Variants in ME3 observed in about 807,000 individuals in gnomAD.
ME3 encodes the protein malic enzyme 3.
ME3 carries 48 observed loss-of-function variants against 68.9 expected under a neutral mutation model. The ratio of observed to expected loss-of-function variants is 0.70; its 90% CI spans 0.55 to 0.89. The LOEUF is 0.89. Among genes scored for constraint, ME3 ranks in the 40% least tolerant of loss-of-function variants. ME3 has a pLI of 0.00. For synonymous variants in ME3, 320 were observed against 318.8 expected, an observed-to-expected ratio of 1.00 and a Z score of -0.04; for missense variants, 675 against 797.4, an observed-to-expected ratio of 0.85 and a Z score of 1.85.
intron 3 of ME3, among the ~76,000 whole-genome samples, chr11:86,559,288 C>T (rs1242126145): frequency 6.6e-5 from 10 of 152,074 alleles, no homozygotes; most frequent in African/African-American, 1.9e-4. Context: ...ACCCAAGCCA[C>T]GTACTACTTC....
At chr11:86,437,234 A>C (rs2138563849), downstream of ME3, 1 of 152,228 alleles carries the variant, frequency 6.6e-6, no homozygotes, top group African/African-American at 2.4e-5. Context: ...AAAACACATG[A>C]TTTTATTCCT....
At chr11:86,486,496 C>A (rs1951693577) in intron 7 of ME3, among the ~76,000 whole-genome samples, 1 of 152,216 alleles carries the variant, frequency 6.6e-6, no homozygotes, top group Admixed American at 6.5e-5. Flanking sequence ...TGGGCTCCAG[C>A]CCACTGTTCT....
At chr11:86,642,272 G>A (rs1173106596) in intron 2 of ME3, among the ~76,000 whole-genome samples, 1 of 152,180 alleles carries the variant, frequency 6.6e-6, no homozygotes. Flanking sequence ...AGAAAAAGAA[G>A]GAAGTCTCTT....
At chr11:86,584,628 C>T (rs1390055455) in intron 2 of ME3, among the ~76,000 whole-genome samples, 7 of 152,180 alleles carry the variant, frequency 4.6e-5, no homozygotes, top group African/African-American at 1.7e-4. Context: ...ATATGGAATG[C>T]CTGCAATATA....
At chr11:86,528,209 A>G (rs582638) in intron 4 of ME3, among the ~76,000 whole-genome samples, 53,056 of 151,952 alleles carry the variant, frequency 0.35, 9,808 homozygotes, top group African/African-American at 0.49. Flanking sequence ...TGCAATCCTA[A>G]TCTCTGATAA....
chr11:86,491,329 G>A (rs1156529697), intron 6 of ME3, among the ~76,000 whole-genome samples: 4 of 152,160 alleles, frequency 2.6e-5, no homozygotes, highest in Non-Finnish European at 5.9e-5. Flanking sequence ...TGATATTGTG[G>A]GGGCCAGGGA....
rs1327402062 is a variant in ME3, at chr11:86,507,916, T to C, written c.543+876A>G. Among the ~76,000 whole-genome samples the C allele has an allele frequency of 1.5e-4, 23 of 151,498 alleles. No homozygotes were observed. In the East Asian group the frequency reaches 2.9e-3, roughly 19 times the overall value. On this transcript the variant is annotated intron_variant, in intron 5 of 14. Coordinates refer to ENST00000543262, the Ensembl canonical transcript of ME3. Reference sequence around the variant, plus strand: ...GGGAGGATCACCTGAGCCCAGGAGATTGAGGTTGCAATAATCTGTGACTGC... The same window carrying C: ...GGGAGGATCACCTGAGCCCAGGAGACTGAGGTTGCAATAATCTGTGACTGC...
chr11:86,583,476 T>A (rs1041390409), intron 2 of ME3, among the ~76,000 whole-genome samples: 1 of 152,220 alleles, frequency 6.6e-6, no homozygotes, highest in Non-Finnish European at 1.5e-5. Flanking sequence ...TAATGAAGTA[T>A]GTCTGGCAGT....
At chr11:86,475,870 TATATAGAGAGAG>T (rs1209677679) in intron 7 of ME3, among the ~76,000 whole-genome samples, 3 of 106,530 alleles carry the variant, frequency 2.8e-5, no homozygotes, top group South Asian at 3.1e-4. Context: ...TATATATATA[TATATAGAGAGAG>T]AGAGAGAGAG....
intron 4 of ME3, among the ~76,000 whole-genome samples, chr11:86,523,343 T>G (rs932497227): frequency 6.6e-6 from 1 of 152,218 alleles, no homozygotes; most frequent in Non-Finnish European, 1.5e-5. Context: ...GTAATATCAC[T>G]GAGGTAAGTT....
At chr11:86,625,223 G>A (rs571547567) in intron 2 of ME3, among the ~76,000 whole-genome samples, 12 of 152,086 alleles carry the variant, frequency 7.9e-5, no homozygotes, top group Non-Finnish European at 1.2e-4. Flanking sequence ...AAGTATGTCC[G>A]AGAAAGCTTG....
At chr11:86,641,917 A>G (rs765096383) in intron 2 of ME3, among the ~76,000 whole-genome samples, 5 of 152,188 alleles carry the variant, frequency 3.3e-5, no homozygotes, top group Non-Finnish European at 5.9e-5. Context: ...TACTTGGACA[A>G]TTGGCTGATA....
intron 11 of ME3, 31 bp downstream of exon 11, chr11:86,448,119 G>A: frequency 3.4e-6 from 5 of 1,482,480 alleles, no homozygotes; most frequent in Non-Finnish European, 4.7e-6. Context: ...GGTTAGCTGG[G>A]CTGGGTAGTG....
At chr11:86,497,550 C>T (rs1373724177) in intron 6 of ME3, among the ~76,000 whole-genome samples, 1 of 152,108 alleles carries the variant, frequency 6.6e-6, no homozygotes, top group Non-Finnish European at 1.5e-5. Context: ...CATTTTGGCC[C>T]CTGGTGCTTT....
chr11:86,639,028 C>T (rs919011374), intron 2 of ME3, among the ~76,000 whole-genome samples: 6 of 152,112 alleles, frequency 3.9e-5, no homozygotes, highest in African/African-American at 1.4e-4. Context: ...TACAATACCC[C>T]AAAAATAGAA....
intron 4 of ME3, among the ~76,000 whole-genome samples, chr11:86,540,653 T>G (rs1304049855): frequency 6.6e-6 from 1 of 152,178 alleles, no homozygotes; most frequent in Non-Finnish European, 1.5e-5. Context: ...AAAGTAAATA[T>G]GCAAGGGAAA....
intron 5 of ME3, among the ~76,000 whole-genome samples, chr11:86,507,077 C>G (rs975885828): frequency 3.9e-5 from 6 of 152,164 alleles, no homozygotes; most frequent in African/African-American, 1.4e-4. Flanking sequence ...CTCCTGAGGG[C>G]CAAGGTTCTG....
intron 7 of ME3, among the ~76,000 whole-genome samples, chr11:86,486,006 A>G (rs944517505): frequency 4.6e-5 from 7 of 151,956 alleles, no homozygotes; most frequent in African/African-American, 1.5e-4. Context: ...CACTTCCTCT[A>G]TCCTTAAACC....
intron 2 of ME3, among the ~76,000 whole-genome samples, chr11:86,578,043 A>T (rs1361345894): frequency 6.6e-6 from 1 of 152,226 alleles, no homozygotes; most frequent in South Asian, 2.1e-4. Context: ...GAGAAATTTC[A>T]TATCTGCTCC....
Sources: allele counts gnomAD v4.1 joint callset (sites outside exome capture counted in the v4.1 genomes callset), GRCh38; gene constraint gnomAD v4.1.1; transcripts MANE v1.5; gene names NCBI Gene and HGNC (gene_info 2026-07-23, HGNC 2026-07-21).